Variants in PCOLCE2 observed in about 807,000 individuals in gnomAD.
PCOLCE2 encodes the protein procollagen C-proteinase enhancer 2.
In PCOLCE2, 42 loss-of-function variants were observed where a neutral mutation model predicts 47.0. The ratio of observed to expected loss-of-function variants is 0.89; its 90% CI spans 0.70 to 1.16. The LOEUF is 1.16. Ranked by LOEUF, PCOLCE2 falls within the 50% of genes most tolerant of loss-of-function variation. PCOLCE2 has a pLI of 0.00. For synonymous variants in PCOLCE2, 169 were observed against 191.7 expected (o/e 0.88, Z 0.98); for missense variants, 500 against 526.1 (o/e 0.95, Z 0.49).
At position 142,842,980 on chromosome 3, in the gene PCOLCE2, G is replaced by C. The variant is rs762365871; in HGVS notation, c.517C>G (p.Arg173Gly). Residue 173 changes from arginine to glycine, a missense_variant, in exon 4 of 9, where the codon CGG becomes GGG. Transcript: ENST00000295992. The surrounding 1 kb of genome is among the most constrained non-coding windows in gnomAD (Gnocchi z 4.1). ...GSFKTPNWPD[R>G]DYPAGVTCVW... ...CAAGTGACTCCTGCAGGGTAATCCC[G>C]GTCTGGCCAGTTGGGGGTTTTAAAA... The C allele has an allele frequency of 5.6e-6, 9 of 1,613,754 alleles. No homozygotes were observed. Among genetic ancestry groups the C allele is most frequent in the Non-Finnish European group, 7.6e-6 (9 of 1,179,802 alleles).
chr3:142,830,166 G>GAGTCAGAACTTGAACCCAGGACC (rs1937129317), intron 5 of PCOLCE2, among the ~76,000 whole-genome samples: 2 of 152,312 alleles, frequency 1.3e-5, no homozygotes, highest in South Asian at 4.1e-4. Flanking sequence ...TATGTTGGGA[G>GAGTCAGAACTTGAACCCAGGACC]AGTCAGAACT....
At chr3:142,860,494 T>C (rs2707984) in intron 2 of PCOLCE2, among the ~76,000 whole-genome samples, 142,710 of 152,114 alleles carry the variant, frequency 0.94, 67,023 homozygotes, top group East Asian at 1. Flanking sequence ...CTGCAACCTC[T>C]GCCTCCCAAG....
At chr3:142,866,278 T>C (rs1365177280) in intron 2 of PCOLCE2, among the ~76,000 whole-genome samples, 1 of 152,164 alleles carries the variant, frequency 6.6e-6, no homozygotes, top group African/African-American at 2.4e-5. Flanking sequence ...CTCTTCTTCC[T>C]TGAGCTGGGA....
chr3:142,863,352 G>C (rs1329015702), intron 2 of PCOLCE2, among the ~76,000 whole-genome samples: 1 of 152,142 alleles, frequency 6.6e-6, no homozygotes, highest in Non-Finnish European at 1.5e-5. Context: ...AGGGACAGAG[G>C]GTGTCATAAG....
At chr3:142,852,574 C>T (rs953269899) in intron 2 of PCOLCE2, among the ~76,000 whole-genome samples, 11 of 151,460 alleles carry the variant, frequency 7.3e-5, no homozygotes, top group Admixed American at 7.2e-4. Context: ...TCATCCCAGG[C>T]CCCATTTCCT....
chr3:142,818,098 A>G lies in PCOLCE2; in HGVS notation c.*237T>C, dbSNP rs530473097. 1.0e-5 allele frequency: 4 copies of G among 397,870 alleles called. No individual in the cohort carries two copies. The highest frequency in any genetic ancestry group is 3.8e-5 in the Admixed American group (1 of 26,600). 24.6% of individuals were successfully genotyped at this position (397,870 alleles called of 1,614,324 possible). On this transcript the variant is annotated 3_prime_UTR_variant, in exon 9 of 9. Transcript: ENST00000295992. The stretch of plus-strand genomic sequence containing the variant: ...CGCTTGACACTTTTAGCTTCCTATC[A>G]CCGCACTAAGTCGGCAGGTTTCCAA...
intron 6 of PCOLCE2, chr3:142,827,665 C>G: frequency 7.1e-7 from 1 of 1,405,690 alleles, no homozygotes; most frequent in Non-Finnish European, 1.0e-6. Context: ...GCTTCTTAAA[C>G]CAGTACGGGT....
chr3:142,818,429 T>A lies in PCOLCE2; in HGVS notation c.1154A>T (p.Asp385Val). 1 of 1,613,002 alleles carries A rather than the reference T, an allele frequency of 6.2e-7. No homozygotes were observed. Among genetic ancestry groups the A allele is most frequent in the South Asian group, 1.1e-5 (1 of 91,034 alleles). ...GTTTGGCATGATTTTGCCTCGCCCA[T>A]CTTCACCTACTTGGCCCATAATAAT... is the stretch of plus-strand genomic sequence containing the variant. ...NYIIMGQVGEDGRGKIMPNSF... is the reference protein window; with the variant it reads ...NYIIMGQVGEVGRGKIMPNSF... Residue 385 changes from aspartate (D) to valine (V), a missense_variant, in exon 9 of 9, where the codon GAT (aspartate) becomes GTT (valine). Coordinates refer to ENST00000295992, the MANE Select transcript of PCOLCE2 (RefSeq NM_013363.4).
chr3:142,829,660 T>G, intron 6 of PCOLCE2, 32 bp downstream of exon 6: 1 of 1,531,038 alleles, frequency 6.5e-7, no homozygotes, highest in South Asian at 1.3e-5. Flanking sequence ...CTCCTAAAGT[T>G]TTTGCACAAA....
chr3:142,885,073 A>G (rs11718990), intron 2 of PCOLCE2, among the ~76,000 whole-genome samples: 73,015 of 152,058 alleles, frequency 0.48, 18,804 homozygotes, highest in Non-Finnish European at 0.57. Context: ...TCCAATCTGC[A>G]GGCTGTACTT....
At chr3:142,870,246 G>A (rs776076557) in intron 2 of PCOLCE2, among the ~76,000 whole-genome samples, 5 of 152,178 alleles carry the variant, frequency 3.3e-5, no homozygotes, top group Non-Finnish European at 7.4e-5. Flanking sequence ...AGAAGCAACA[G>A]AGTGATTCTT....
At chr3:142,863,166 G>A (rs950554198) in intron 2 of PCOLCE2, among the ~76,000 whole-genome samples, 1 of 148,260 alleles carries the variant, frequency 6.7e-6, no homozygotes, top group African/African-American at 2.5e-5. Context: ...GCATGGGAAA[G>A]CTTGGTTCAC....
At chr3:142,863,096 CAAAAAAA>C (rs35383176) in intron 2 of PCOLCE2, among the ~76,000 whole-genome samples, 3 of 85,986 alleles carry the variant, frequency 3.5e-5, no homozygotes, top group Non-Finnish European at 4.5e-5. Context: ...GTCTGGCAGG[CAAAAAAA>C]AAAAAAAAAA....
At chr3:142,857,044 T>C (rs1242565882) in intron 2 of PCOLCE2, among the ~76,000 whole-genome samples, 1 of 151,952 alleles carries the variant, frequency 6.6e-6, no homozygotes, top group Non-Finnish European at 1.5e-5. Flanking sequence ...GGATATTCTA[T>C]ATACTCTATA....
At position 142,882,943 on chromosome 3, in the gene PCOLCE2, G is replaced by A. The variant is rs144637117; in HGVS notation, c.192+4726C>T. Among the ~76,000 whole-genome samples, 1,447 of 152,198 alleles carry A rather than the reference G, an allele frequency of 9.5e-3. 25 individuals carry two copies. The highest frequency in any genetic ancestry group is 0.033 in the African/African-American group (1,359 of 41,532). ...AGGCAGGGCGCAGTAGCTCACGCCT[G>A]TAATCCCAGCACTTTGGGAGGCCGA... is the stretch of plus-strand genomic sequence containing the variant. On this transcript the variant is annotated intron_variant, in intron 2 of 8. Transcript: ENST00000295992.
chr3:142,852,389 TAAG>T (rs1236571107), intron 2 of PCOLCE2, among the ~76,000 whole-genome samples: 1 of 151,638 alleles, frequency 6.6e-6, no homozygotes, highest in Non-Finnish European at 1.5e-5. Flanking sequence ...TTTTCTTTGT[TAAG>T]AATAGAAAAA....
In PCOLCE2 at chr3:142,889,078, G is replaced by C. The variant is rs1933775374; in HGVS notation, c.-182C>G. 1 of 383,158 alleles carries C rather than the reference G, an allele frequency of 2.6e-6. No homozygotes were observed. Among genetic ancestry groups the C allele is most frequent in the Non-Finnish European group, 4.6e-6 (1 of 216,612 alleles). 23.7% of individuals were successfully genotyped at this position (383,158 alleles called of 1,614,324 possible). Reference sequence around the variant, plus strand: ...CCGCGGGGCGGCCCAGGTAGCCGGGGGATACGCGGCCGGCAGGGCGGAGGC... The same window carrying C: ...CCGCGGGGCGGCCCAGGTAGCCGGGCGATACGCGGCCGGCAGGGCGGAGGC... On this transcript the variant is annotated 5_prime_UTR_variant, in exon 1 of 9. Coordinates refer to ENST00000295992, the MANE Select transcript of PCOLCE2 (RefSeq NM_013363.4).
chr3:142,860,773 G>C (rs1181981595), intron 2 of PCOLCE2, among the ~76,000 whole-genome samples: 1 of 152,072 alleles, frequency 6.6e-6, no homozygotes, highest in African/African-American at 2.4e-5. Context: ...TCTCAATACC[G>C]GCCAGGCACC....
intron 6 of PCOLCE2, among the ~76,000 whole-genome samples, chr3:142,825,832 CTG>C (rs1029980650): frequency 6.6e-6 from 1 of 151,788 alleles, no homozygotes; most frequent in Non-Finnish European, 1.5e-5. Flanking sequence ...TCAGAGAAAT[CTG>C]TTTTTCCTGT....
Sources: allele counts gnomAD v4.1 joint callset (sites outside exome capture counted in the v4.1 genomes callset), GRCh38; gene constraint gnomAD v4.1.1; non-coding constraint Gnocchi (gnomAD v3.1); transcripts MANE v1.5; gene names NCBI Gene and HGNC (gene_info 2026-07-23, HGNC 2026-07-21).